KATNBL1: variants seen among roughly 807,000 people sequenced by gnomAD.
KATNBL1 encodes katanin regulatory subunit B1 like 1.
In KATNBL1, 28 loss-of-function variants were observed where a neutral mutation model predicts 44.7. That is an observed-to-expected ratio of 0.63 (90% confidence interval 0.46 to 0.86). The LOEUF is 0.86. KATNBL1 is among the 40% of genes least tolerant of loss of function. The pLI is 0.00. For synonymous variants in KATNBL1, 78 were observed against 114.9 expected (o/e 0.68, Z 2.06); for missense variants, 272 against 350.7 (o/e 0.78, Z 1.79).
chr15:34,153,126 G>T, intron 3 of KATNBL1, 57 bp from the exon 4 acceptor site: 2 of 1,282,050 alleles, frequency 1.6e-6, no homozygotes, highest in Non-Finnish European at 2.2e-6. Flanking sequence ...TCCTTTAAAA[G>T]TTTTTAAACA....
intron 1 of KATNBL1, among the ~76,000 whole-genome samples, chr15:34,200,224 A>C (rs1890142626): frequency 6.6e-6 from 1 of 151,928 alleles, no homozygotes; most frequent in Non-Finnish European, 1.5e-5. Flanking sequence ...TATTTCCTGA[A>C]TGATGATTCA....
At chr15:34,167,595 A>C (rs891874371) in intron 1 of KATNBL1, among the ~76,000 whole-genome samples, 1 of 152,194 alleles carries the variant, frequency 6.6e-6, no homozygotes, top group African/African-American at 2.4e-5. Context: ...AATACAGAGA[A>C]CACCACAAAG....
chr15:34,206,648 G>C (rs191157686), intron 1 of KATNBL1, among the ~76,000 whole-genome samples: 1 of 152,028 alleles, frequency 6.6e-6, no homozygotes, highest in Non-Finnish European at 1.5e-5. Context: ...AAAATTACCC[G>C]GGCGTGGTGG....
rs550194057 is a variant in KATNBL1 at position 34,203,377 on chromosome 15, T to C, written c.-15+6574A>G. ...CCACCAACTCCTTTAGACTATATAA[T>C]AGCTTCCTAAATGCTTCAGCCACAC... On this transcript the variant is annotated intron_variant, in intron 1 of 9. Transcript: ENST00000256544. Among the ~76,000 whole-genome samples, 6 of 152,140 alleles carry C rather than the reference T, an allele frequency of 3.9e-5. No individual in the cohort carries two copies. The South Asian group carries it at 1.2e-3, about 32-fold the overall frequency.
intron 5 of KATNBL1, among the ~76,000 whole-genome samples, 196 bp from the exon 6 acceptor site, chr15:34,147,626 TG>T (rs1182815173): frequency 9.2e-6 from 1 of 109,034 alleles, no homozygotes; most frequent in South Asian, 3.1e-4. Context: ...CTGTGGGGGT[TG>T]GGGGGTGGGA....
chr15:34,173,005 C>A (rs1021754105), intron 1 of KATNBL1, among the ~76,000 whole-genome samples: 8 of 151,242 alleles, frequency 5.3e-5, no homozygotes, highest in East Asian at 3.9e-4. Flanking sequence ...GGACAAAAAA[C>A]CCAACAAAAA....
chr15:34,209,232 G>C (rs1208758811), intron 1 of KATNBL1: 2 of 152,058 alleles, frequency 1.3e-5, no homozygotes, highest in African/African-American at 2.4e-5. Flanking sequence ...CATAATTCTC[G>C]CAAGTGCTGA....
intron 1 of KATNBL1, among the ~76,000 whole-genome samples, chr15:34,203,716 T>C (rs1413768917): frequency 6.6e-6 from 1 of 151,986 alleles, no homozygotes; most frequent in African/African-American, 2.4e-5. Flanking sequence ...TGAGATGGAG[T>C]CTTGCTCTGT....
chr15:34,158,408 G>A (rs898913970), intron 2 of KATNBL1, among the ~76,000 whole-genome samples: 3 of 152,188 alleles, frequency 2.0e-5, no homozygotes, highest in African/African-American at 7.2e-5. Context: ...GAAGGCAAGG[G>A]GTTAAGTGAA....
intron 1 of KATNBL1, among the ~76,000 whole-genome samples, chr15:34,191,644 G>A (rs983333462): frequency 6.6e-6 from 1 of 151,902 alleles, no homozygotes; most frequent in Non-Finnish European, 1.5e-5. Context: ...TTGTTGTTGA[G>A]AGTCTTTTAG....
intron 1 of KATNBL1, among the ~76,000 whole-genome samples, chr15:34,168,055 A>G (rs1451440693): frequency 6.6e-6 from 1 of 152,210 alleles, no homozygotes; most frequent in Non-Finnish European, 1.5e-5. Context: ...ACTAGCTAGC[A>G]TCATAATGAC....
intron 7 of KATNBL1, 26 bp downstream of exon 7, chr15:34,147,174 G>C: frequency 2.1e-6 from 3 of 1,406,666 alleles, no homozygotes; most frequent in Non-Finnish European, 3.0e-6. Flanking sequence ...AAAGAAAAAT[G>C]AATCAAGATT....
At chr15:34,179,882 A>G (rs1236675528) in intron 1 of KATNBL1, among the ~76,000 whole-genome samples, 2 of 152,262 alleles carry the variant, frequency 1.3e-5, no homozygotes, top group Non-Finnish European at 2.9e-5. Context: ...TAATGAGATC[A>G]CTATCTTATA....
chr15:34,155,371 G>C (rs761593076), intron 2 of KATNBL1, among the ~76,000 whole-genome samples: 1 of 152,158 alleles, frequency 6.6e-6, no homozygotes, highest in African/African-American at 2.4e-5. Flanking sequence ...AGTAAGGGCT[G>C]TTTCTGTATG....
At chr15:34,194,222 G>A (rs1889971495) in intron 1 of KATNBL1, among the ~76,000 whole-genome samples, 2 of 152,166 alleles carry the variant, frequency 1.3e-5, no homozygotes, top group African/African-American at 2.4e-5. Context: ...TTATAGGCGT[G>A]AGCCACTGCA....
chr15:34,182,270 A>C (rs1427795357), intron 1 of KATNBL1, among the ~76,000 whole-genome samples: 2 of 152,146 alleles, frequency 1.3e-5, no homozygotes, highest in African/African-American at 4.8e-5. Flanking sequence ...TTCTATTCTA[A>C]ATCTGTTTTC....
intron 1 of KATNBL1, among the ~76,000 whole-genome samples, chr15:34,198,550 G>C (rs373356253): frequency 6.6e-6 from 1 of 152,210 alleles, no homozygotes; most frequent in African/African-American, 2.4e-5. Context: ...TAATCTCAAT[G>C]AATGTTTCTC....
chr15:34,172,746 GACACACAGACACAGACAC>G (rs1889204600), intron 1 of KATNBL1, among the ~76,000 whole-genome samples: 2 of 112,294 alleles, frequency 1.8e-5, no homozygotes, highest in African/African-American at 7.0e-5. Flanking sequence ...CAGACACATA[GACACACAGACACAGACAC>G]ACACACACAC....
chr15:34,153,008 T>A lies in KATNBL1; in HGVS notation c.220A>T (p.Lys74Ter), dbSNP rs1474487092. ...KLRKVIYRRK[K>*]VHHPFPNPCY... ...GGATTTGGAAAGGGATGATGAACTT[T>A]CTTTCTGCGATAGATCACTTTACGA... Residue 74 changes from lysine to a stop codon, truncating the protein, a stop_gained, in exon 4 of 10, where the codon AAA becomes TAA. Coordinates refer to ENST00000256544, the MANE Select transcript of KATNBL1 (RefSeq NM_024713.3). LOFTEE classifies it high-confidence loss of function. 6.2e-7 allele frequency: 1 copy of A among 1,613,706 alleles called. No individual in the cohort carries two copies. Among genetic ancestry groups the A allele is most frequent in the Admixed American group, 1.7e-5 (1 of 60,012 alleles).
Sources: gnomAD v4.1 joint callset for allele counts (sites outside exome capture counted in the v4.1 genomes callset) on GRCh38, gnomAD v4.1.1 for gene constraint, MANE v1.5 for transcripts, NCBI Gene and HGNC (gene_info 2026-07-23, HGNC 2026-07-21) for gene names.